Variants in TMEM233 observed in about 807,000 individuals in gnomAD.
TMEM233 encodes the protein transmembrane protein 233.
Under a neutral mutation model 11.2 loss-of-function variants are expected in TMEM233, and 6 were observed. The observed-to-expected ratio is 0.54, with a 90% CI of 0.29 to 1.06. The LOEUF is 1.06. TMEM233 is among the 50% of genes least tolerant of loss of function. The pLI, the probability that TMEM233 is intolerant of heterozygous loss-of-function variation, is 0.08. For missense variants in TMEM233, 127 were observed against 144.7 expected (o/e 0.88, Z 0.63); for synonymous variants, 59 against 55.8 (o/e 1.06, Z -0.26).
intron 1 of TMEM233, among the ~76,000 whole-genome samples, chr12:119,617,867 T>C (rs564354129): frequency 6.6e-6 from 1 of 152,290 alleles, no homozygotes; most frequent in South Asian, 2.1e-4. Flanking sequence ...AACCCCATTT[T>C]CTGGGGAGAA....
chr12:119,652,885 A>T, the TMEM233 span, among the ~76,000 whole-genome samples: 1 of 152,180 alleles, frequency 6.6e-6, no homozygotes, highest in East Asian at 1.9e-4. Context: ...AGGGGTCACA[A>T]ATTAGTCAGA....
Position 119,603,089 on chromosome 12 carries a change from T to C in TMEM233, c.186+9055T>C, listed in dbSNP as rs559119677. On this transcript the variant is annotated intron_variant, in intron 1 of 2. Coordinates refer to ENST00000426426, the MANE Select transcript of TMEM233 (RefSeq NM_001136534.3). Reference sequence around the variant, plus strand: ...GGGTAACATGATAAAACCCCGTCCCTACAAAAATAAAAATAAAAATAAAAA... The same window carrying C: ...GGGTAACATGATAAAACCCCGTCCCCACAAAAATAAAAATAAAAATAAAAA... 2.3e-4 allele frequency among the ~76,000 whole-genome samples: 34 copies of C among 151,012 alleles called. No individual in the cohort carries two copies. In the East Asian group the frequency reaches 6.0e-3, roughly 27 times the overall value.
the TMEM233 span, among the ~76,000 whole-genome samples, chr12:119,653,355 G>T: frequency 1.3e-4 from 17 of 128,738 alleles, no homozygotes; most frequent in Non-Finnish European, 2.0e-4. Context: ...TCACACCATT[G>T]CACTCCAGCC....
At chr12:119,634,448 A>C (rs544799790) in intron 2 of TMEM233, among the ~76,000 whole-genome samples, 1 of 152,194 alleles carries the variant, frequency 6.6e-6, no homozygotes, top group African/African-American at 2.4e-5. Flanking sequence ...TTGCTCCAAA[A>C]AATATTTATT....
downstream of TMEM233, among the ~76,000 whole-genome samples, chr12:119,646,572 T>G (rs1566118902): frequency 6.6e-6 from 1 of 152,206 alleles, no homozygotes; most frequent in Non-Finnish European, 1.5e-5. Flanking sequence ...CTAGAAGCTA[T>G]CCACATGCCT....
chr12:119,647,715 T>C (rs1215298453), downstream of TMEM233, among the ~76,000 whole-genome samples: 1 of 152,138 alleles, frequency 6.6e-6, no homozygotes, highest in East Asian at 1.9e-4. Flanking sequence ...ATCAACCTAT[T>C]ATCTAGGTTT....
Position 119,594,672 on chromosome 12 carries a change from C to T in TMEM233, c.186+638C>T, listed in dbSNP as rs1385354603. Among the ~76,000 whole-genome samples, 1 of 152,142 alleles carries T rather than the reference C, an allele frequency of 6.6e-6. No homozygotes were observed. The highest frequency in any genetic ancestry group is 6.5e-5 in the Admixed American group (1 of 15,270). On this transcript the variant is annotated intron_variant, in intron 1 of 2. Transcript: ENST00000426426. The surrounding 1 kb of genome is among the most constrained non-coding windows in gnomAD (Gnocchi z 5.6). ...GCACGCTCTGTCCAGGCAACAGTTT[C>T]CTCTCGCTTCTTCCTACACCCAACT... is the stretch of plus-strand genomic sequence containing the variant.
chr12:119,594,144 C>T lies in TMEM233; in HGVS notation c.186+110C>T, dbSNP rs1428477652. Reference sequence around the variant, plus strand: ...CGGCTCCCTTCCTCACGGCCCGGCCCGCGCTAGGTGTTCTTTGTCCTCGCA... The same window carrying T: ...CGGCTCCCTTCCTCACGGCCCGGCCTGCGCTAGGTGTTCTTTGTCCTCGCA... On this transcript the variant is annotated intron_variant, in intron 1 of 2. Transcript: ENST00000426426. This position sits in a 1 kb window ranked among gnomAD's most constrained non-coding sequence, Gnocchi z 5.6. The T allele has an allele frequency of 1.8e-6, 2 of 1,127,452 alleles. No homozygotes were observed. The highest frequency in any genetic ancestry group is 4.9e-5 in the Admixed American group (2 of 41,162). 69.8% of individuals were successfully genotyped at this position (1,127,452 alleles called of 1,614,324 possible). A position where few individuals can be genotyped will look rare whatever the true frequency, so the allele number is the denominator to read the frequency against.
chr12:119,611,161 A>T (rs936222614), intron 1 of TMEM233, among the ~76,000 whole-genome samples: 1 of 152,172 alleles, frequency 6.6e-6, no homozygotes, highest in Admixed American at 6.5e-5. Flanking sequence ...TTCTGTATGA[A>T]CTTATGTTTT....
At chr12:119,600,317 G>A (rs527571597) in intron 1 of TMEM233, among the ~76,000 whole-genome samples, 44 of 150,370 alleles carry the variant, frequency 2.9e-4, no homozygotes, top group Admixed American at 1.1e-3. Flanking sequence ...GACAAGAACC[G>A]GCTGAAAAAA....
chr12:119,638,840 C>T (rs918143674), intron 2 of TMEM233, among the ~76,000 whole-genome samples: 1 of 151,982 alleles, frequency 6.6e-6, no homozygotes, highest in African/African-American at 2.4e-5. Flanking sequence ...AGTTCAAGAC[C>T]AGCCTGGGCG....
At chr12:119,645,655 G>A (rs1955140981), downstream of TMEM233, among the ~76,000 whole-genome samples, 1 of 152,166 alleles carries the variant, frequency 6.6e-6, no homozygotes, top group Non-Finnish European at 1.5e-5. Flanking sequence ...GCCTGCATGA[G>A]GCATCAGAGA....
chr12:119,620,737 C>T (rs1954624573), intron 1 of TMEM233, among the ~76,000 whole-genome samples: 1 of 152,126 alleles, frequency 6.6e-6, no homozygotes, highest in Non-Finnish European at 1.5e-5. Flanking sequence ...ATCAATATAA[C>T]TCATTATTTT....
In TMEM233 at chr12:119,594,694, A is replaced by G. The variant is rs1953997994; in HGVS notation, c.186+660A>G. Among the ~76,000 whole-genome samples, 1 of 151,632 alleles carries G rather than the reference A, an allele frequency of 6.6e-6. No individual in the cohort carries two copies. Among genetic ancestry groups the G allele is most frequent in the African/African-American group, 2.4e-5 (1 of 41,232 alleles). On this transcript the variant is annotated intron_variant, in intron 1 of 2. Transcript: ENST00000426426. This position sits in a 1 kb window ranked among gnomAD's most constrained non-coding sequence, Gnocchi z 5.6. ...TTTCCTCTCGCTTCTTCCTACACCC[A>G]ACTTCCTCTCCTTGCCTCCCTCCGG...
At position 119,593,781 on chromosome 12, in the gene TMEM233, G is replaced by C. The variant is rs898679702; in HGVS notation, c.-68G>C. The C allele has an allele frequency of 1.7e-5, 25 of 1,464,890 alleles. No individual in the cohort carries two copies. The highest frequency in any genetic ancestry group is 2.3e-5 in the Non-Finnish European group (25 of 1,093,532). 90.7% of individuals were successfully genotyped at this position (1,464,890 alleles called of 1,614,324 possible). A position where few individuals can be genotyped will look rare whatever the true frequency, so the allele number is the denominator to read the frequency against. On this transcript the variant is annotated 5_prime_UTR_variant, in exon 1 of 3. Coordinates refer to ENST00000426426, the MANE Select transcript of TMEM233 (RefSeq NM_001136534.3). This position sits in a 1 kb window ranked among gnomAD's most constrained non-coding sequence, Gnocchi z 4.1. ...GCTTTTCAGAGCCTCGCCACAAGCC[G>C]GCGGCCAGAGCCCCAGACCACACAG...
the TMEM233 span, among the ~76,000 whole-genome samples, chr12:119,651,720 G>A: frequency 9.3e-5 from 14 of 151,116 alleles, no homozygotes; most frequent in African/African-American, 2.9e-4. Flanking sequence ...CCAGCTACTC[G>A]GGAGGCTGAG....
chr12:119,623,029 T>C (rs1178329732), intron 1 of TMEM233, among the ~76,000 whole-genome samples: 1 of 152,128 alleles, frequency 6.6e-6, no homozygotes, highest in Non-Finnish European at 1.5e-5. Context: ...CCAAATCCCC[T>C]TCAGCCAGGT....
chr12:119,615,182 A>AAAAAAAAAAAAC (rs1223384053), intron 1 of TMEM233, among the ~76,000 whole-genome samples: 1 of 132,856 alleles, frequency 7.5e-6, no homozygotes, highest in African/African-American at 3.1e-5. Flanking sequence ...CTAAAAAAAA[A>AAAAAAAAAAAAC]AAAAAAAAAA....
Position 119,595,066 on chromosome 12 carries a change from G to A in TMEM233, c.186+1032G>A, listed in dbSNP as rs983786091. On this transcript the variant is annotated intron_variant, in intron 1 of 2. Transcript: ENST00000426426. The surrounding 1 kb of genome is among the most constrained non-coding windows in gnomAD (Gnocchi z 4.3). ...GAGTGGCCGCTGGGGCCTCTAGTCC[G>A]CCCTTCCGGAGCTCAGCTCCCTAGC... 1.1e-4 allele frequency among the ~76,000 whole-genome samples: 16 copies of A among 152,214 alleles called. No individual in the cohort carries two copies. The highest frequency in any genetic ancestry group is 3.4e-4 in the African/African-American group (14 of 41,474).
Sources: allele counts gnomAD v4.1 joint callset (sites outside exome capture counted in the v4.1 genomes callset), GRCh38; gene constraint gnomAD v4.1.1; non-coding constraint Gnocchi (gnomAD v3.1); transcripts MANE v1.5; gene names NCBI Gene and HGNC (gene_info 2026-07-23, HGNC 2026-07-21).